PLCB1: variants seen among roughly 807,000 people sequenced by gnomAD.
PLCB1 encodes the protein 1-phosphatidylinositol 4,5-bisphosphate phosphodiesterase beta-1.
In PLCB1, 46 loss-of-function variants were observed where a neutral mutation model predicts 161.8. The observed-to-expected ratio is 0.28, with a 90% CI of 0.22 to 0.36. The LOEUF (loss-of-function observed/expected upper bound fraction) is 0.36. Among genes scored for constraint, PLCB1 ranks in the 10% least tolerant of loss-of-function variants. The probability of loss-of-function intolerance (pLI) is 1.00; values close to 1 mark genes in which losing one functional copy is unlikely to be tolerated. For missense variants in PLCB1, 1,016 were observed against 1,472.5 expected, an observed-to-expected ratio of 0.69 and a Z score of 5.07; for synonymous variants, 517 against 503.7, an observed-to-expected ratio of 1.03 and a Z score of -0.35.
intron 2 of PLCB1, among the ~76,000 whole-genome samples, chr20:8,206,938 C>A (rs1207304184): frequency 6.6e-6 from 1 of 151,810 alleles, no homozygotes; most frequent in Non-Finnish European, 1.5e-5. Context: ...TAAAATGCAA[C>A]AATATGGAAA....
intron 3 of PLCB1, among the ~76,000 whole-genome samples, chr20:8,567,435 AC>A (rs1484186882): frequency 6.6e-6 from 1 of 152,008 alleles, no homozygotes; most frequent in Non-Finnish European, 1.5e-5. Flanking sequence ...CCTGTGGACA[AC>A]CCAATGCCTG....
intron 21 of PLCB1, 53 bp downstream of exon 21, chr20:8,739,413 A>G (rs1980754790): frequency 9.4e-7 from 1 of 1,065,456 alleles, no homozygotes; most frequent in African/African-American, 1.5e-5. Context: ...GAAAATCATT[A>G]CTGCTTAAAA....
rs1249030945 is a variant in PLCB1 at position 8,334,525 on chromosome 20, T to C, written c.178-36857T>C. Among the ~76,000 whole-genome samples, 3 of 152,228 alleles carry C rather than the reference T, an allele frequency of 2.0e-5. No individual in the cohort carries two copies. In the East Asian group the frequency reaches 5.8e-4, roughly 29 times the overall value. ...ATACAGTGGAATAAACTAGAAATAA[T>C]TTACTGAGTGCCATAATGTACTGAT... On this transcript the variant is annotated intron_variant, in intron 2 of 31. Coordinates refer to ENST00000338037, the MANE Select transcript of PLCB1 (RefSeq NM_015192.4).
intron 2 of PLCB1, among the ~76,000 whole-genome samples, chr20:8,295,111 GA>G (rs2123309348): frequency 6.6e-6 from 1 of 152,210 alleles, no homozygotes; most frequent in Non-Finnish European, 1.5e-5. Flanking sequence ...ACTATACAAT[GA>G]AACAGGACTA....
At chr20:8,194,146 G>A (rs116926481) in intron 2 of PLCB1, among the ~76,000 whole-genome samples, 7,010 of 152,090 alleles carry the variant, frequency 0.046, 197 homozygotes, top group Middle Eastern at 0.13. Context: ...TCTTTATGGT[G>A]TTGATTAGGC....
At chr20:8,299,877 G>A (rs1158302988) in intron 2 of PLCB1, among the ~76,000 whole-genome samples, 2 of 152,124 alleles carry the variant, frequency 1.3e-5, no homozygotes, top group East Asian at 1.9e-4. Flanking sequence ...ACTTACTCTT[G>A]CTTAACTTGG....
chr20:8,667,665 C>G (rs925028825), intron 9 of PLCB1, among the ~76,000 whole-genome samples: 5 of 152,150 alleles, frequency 3.3e-5, no homozygotes, highest in African/African-American at 1.2e-4. Context: ...GTCCTTTGTT[C>G]AGAAAATAAC....
intron 31 of PLCB1, among the ~76,000 whole-genome samples, chr20:8,810,261 A>G (rs1350454476): frequency 2.0e-5 from 3 of 152,106 alleles, no homozygotes; most frequent in Non-Finnish European, 4.4e-5. Flanking sequence ...AAGGCTCCGG[A>G]AGTTAAAGCG....
At chr20:8,582,071 A>G (rs980257437) in intron 3 of PLCB1, among the ~76,000 whole-genome samples, 5 of 152,174 alleles carry the variant, frequency 3.3e-5, no homozygotes, top group African/African-American at 1.2e-4. Flanking sequence ...TCTCTCCCCT[A>G]TCCCCAACCC....
At chr20:8,430,687 TC>T (rs750528671) in intron 3 of PLCB1, among the ~76,000 whole-genome samples, 5 of 152,216 alleles carry the variant, frequency 3.3e-5, no homozygotes, top group Non-Finnish European at 7.3e-5. Context: ...GTACCATGGT[TC>T]TTGCCTGTAA....
At chr20:8,133,188 G>A (rs2051310707) in intron 1 of PLCB1, among the ~76,000 whole-genome samples, 1 of 152,166 alleles carries the variant, frequency 6.6e-6, no homozygotes, top group South Asian at 2.1e-4. Flanking sequence ...GGAAGGACCT[G>A]AAGTTCAAAA....
chr20:8,243,166 C>T (rs1003572793), intron 2 of PLCB1, among the ~76,000 whole-genome samples: 3 of 152,000 alleles, frequency 2.0e-5, no homozygotes, highest in Non-Finnish European at 4.4e-5. Flanking sequence ...TGCTGGAGCA[C>T]AGTAATAACA....
At chr20:8,432,278 G>A (rs888679648) in intron 3 of PLCB1, among the ~76,000 whole-genome samples, 2 of 152,090 alleles carry the variant, frequency 1.3e-5, no homozygotes, top group Admixed American at 1.3e-4. Flanking sequence ...GAATAGGAGG[G>A]GCCAGGCTTC....
At chr20:8,759,918 T>TTTTTG (rs1981932576) in intron 24 of PLCB1, among the ~76,000 whole-genome samples, 1 of 148,562 alleles carries the variant, frequency 6.7e-6, no homozygotes. Context: ...TTTTTTTTTT[T>TTTTTG]GGAGACAGAC....
chr20:8,428,843 A>C (rs1031201143), intron 3 of PLCB1, among the ~76,000 whole-genome samples: 1 of 152,182 alleles, frequency 6.6e-6, no homozygotes, highest in African/African-American at 2.4e-5. Context: ...TCCATCTAGC[A>C]TTCTGCTTGG....
At chr20:8,190,207 G>A (rs75941432) in intron 2 of PLCB1, among the ~76,000 whole-genome samples, 2,098 of 152,054 alleles carry the variant, frequency 0.014, 47 homozygotes, top group African/African-American at 0.047. Flanking sequence ...CCTGTGTTTT[G>A]TTCATGGTAT....
At chr20:8,406,956 A>C (rs887613463) in intron 3 of PLCB1, among the ~76,000 whole-genome samples, 7 of 152,180 alleles carry the variant, frequency 4.6e-5, no homozygotes, top group Non-Finnish European at 8.8e-5. Flanking sequence ...CTGCTAAGTA[A>C]GTAAAGAATC....
chr20:8,780,284 G>T (rs560998802), intron 27 of PLCB1, among the ~76,000 whole-genome samples: 1 of 152,304 alleles, frequency 6.6e-6, no homozygotes, highest in Admixed American at 6.5e-5. Context: ...AGCCCAGTGA[G>T]CAGGGATTTC....
At chr20:8,139,216 A>G (rs981123974) in intron 1 of PLCB1, among the ~76,000 whole-genome samples, 2 of 150,728 alleles carry the variant, frequency 1.3e-5, no homozygotes, top group African/African-American at 4.9e-5. Context: ...CCTCCGGAGT[A>G]TCTGGGATTA....
Sources: gnomAD v4.1 joint callset for allele counts (sites outside exome capture counted in the v4.1 genomes callset) on GRCh38, gnomAD v4.1.1 for gene constraint, MANE v1.5 for transcripts, NCBI Gene and HGNC (gene_info 2026-07-23, HGNC 2026-07-21) for gene names.